PDZD2: variants seen among roughly 807,000 people sequenced by gnomAD.
PDZD2 encodes PDZ domain-containing protein 2.
PDZD2 carries 90 observed loss-of-function variants against 220.7 expected under a neutral mutation model. The ratio of observed to expected loss-of-function variants is 0.41; its 90% CI spans 0.34 to 0.49. The LOEUF is 0.49. Ranked by LOEUF, PDZD2 falls within the 20% of genes least tolerant of loss-of-function variation. The probability of loss-of-function intolerance (pLI) is 0.28; values close to 1 mark genes in which losing one functional copy is unlikely to be tolerated. For synonymous variants in PDZD2, 1,375 were observed against 1,450.5 expected (o/e 0.95, Z 1.18); for missense variants, 3,174 against 3,608.5 (o/e 0.88, Z 3.08).
intron 2 of PDZD2, among the ~76,000 whole-genome samples, chr5:31,901,636 A>C (rs6863471): frequency 0.59 from 89,964 of 151,946 alleles, 28,165 homozygotes; most frequent in Middle Eastern, 0.73. Context: ...TTACACATTT[A>C]ATGCATTTAA....
At chr5:31,906,793 A>G (rs1742696796) in intron 2 of PDZD2, among the ~76,000 whole-genome samples, 2 of 152,180 alleles carry the variant, frequency 1.3e-5, no homozygotes, top group Non-Finnish European at 2.9e-5. Context: ...CAGTGGGCCA[A>G]AAGTGTGCCA....
intron 1 of PDZD2, among the ~76,000 whole-genome samples, chr5:31,768,864 G>T (rs1208533436): frequency 2.6e-5 from 4 of 152,162 alleles, no homozygotes; most frequent in African/African-American, 9.7e-5. Context: ...AGAACCAATA[G>T]CGCTCCAACT....
intron 1 of PDZD2, among the ~76,000 whole-genome samples, chr5:31,759,688 G>A (rs1373463984): frequency 6.6e-6 from 1 of 151,972 alleles, no homozygotes; most frequent in African/African-American, 2.4e-5. Flanking sequence ...TGGGATTACA[G>A]ATGCATGCCA....
At chr5:31,645,229 C>T (rs369349403) in intron 1 of PDZD2, among the ~76,000 whole-genome samples, 17 of 152,056 alleles carry the variant, frequency 1.1e-4, no homozygotes, top group East Asian at 7.7e-4. Flanking sequence ...GAGGAAGGGG[C>T]GTCCATGGCA....
At chr5:31,742,646 T>C (rs190260371) in intron 1 of PDZD2, among the ~76,000 whole-genome samples, 41 of 151,758 alleles carry the variant, frequency 2.7e-4, no homozygotes, top group Non-Finnish European at 4.6e-4. Flanking sequence ...TGCTCTAGCA[T>C]TTGCTGGTTG....
intron 2 of PDZD2, among the ~76,000 whole-genome samples, chr5:31,870,880 C>T (rs1157657413): frequency 1.4e-5 from 2 of 144,754 alleles, no homozygotes; most frequent in East Asian, 2.0e-4. Context: ...CAGATCGAGA[C>T]TCTGTCTCAA....
At chr5:31,743,514 T>C (rs771961743) in intron 1 of PDZD2, among the ~76,000 whole-genome samples, 2 of 152,192 alleles carry the variant, frequency 1.3e-5, no homozygotes, top group Non-Finnish European at 2.9e-5. Flanking sequence ...TGGAAGTCTG[T>C]CATATTTTTA....
intron 2 of PDZD2, among the ~76,000 whole-genome samples, chr5:31,907,711 T>C (rs1742781379): frequency 6.6e-6 from 1 of 152,182 alleles, no homozygotes; most frequent in Non-Finnish European, 1.5e-5. Flanking sequence ...AGTTGGATTT[T>C]ATTCCTTAAT....
chr5:32,053,196 G>T (rs1416438978), intron 9 of PDZD2, among the ~76,000 whole-genome samples: 1 of 152,204 alleles, frequency 6.6e-6, no homozygotes, highest in Non-Finnish European at 1.5e-5. Flanking sequence ...AGGGTGCAAT[G>T]AATGACCCTC....
intron 5 of PDZD2, among the ~76,000 whole-genome samples, chr5:32,007,284 A>G (rs1752905530): frequency 6.6e-6 from 1 of 151,644 alleles, no homozygotes; most frequent in Admixed American, 6.6e-5. Context: ...AAGTGCTGGG[A>G]TTACGGGTAT....
At chr5:31,647,637 C>T (rs1026876097) in intron 1 of PDZD2, among the ~76,000 whole-genome samples, 2 of 152,158 alleles carry the variant, frequency 1.3e-5, no homozygotes, top group African/African-American at 2.4e-5. Flanking sequence ...TTGTGTGTCT[C>T]ATTTATAAGG....
In PDZD2 at chr5:32,090,360, G is replaced by A. The variant is rs777291869; in HGVS notation, c.6912G>A (p.Thr2304=). 2.9e-5 allele frequency: 47 copies of A among 1,613,974 alleles called. No homozygotes were observed. Among genetic ancestry groups the A allele is most frequent in the African/African-American group, 6.7e-5 (5 of 74,920 alleles). The change falls in exon 20 of 25, where the codon ACG becomes ACA. Residue 2304 remains threonine (T), a synonymous_variant. Coordinates refer to ENST00000438447, the MANE Select transcript of PDZD2 (RefSeq NM_178140.4). This position sits in a 1 kb window ranked among gnomAD's most constrained non-coding sequence, Gnocchi z 4.3. ...GGGATATCATTTCAGTCCAGGAGAC[G>A]AGCTGCCTAGTCACAGACAAAATCA... ...DEGDIISVQE[T]SCLVTDKIKV... is the part of the protein sequence containing the mutation.
At chr5:31,929,156 A>G (rs190191475) in intron 2 of PDZD2, among the ~76,000 whole-genome samples, 1 of 152,142 alleles carries the variant, frequency 6.6e-6, no homozygotes, top group African/African-American at 2.4e-5. Flanking sequence ...TTGAATCTGA[A>G]TGCTTTAGAA....
At chr5:31,896,323 C>T (rs1024008872) in intron 2 of PDZD2, among the ~76,000 whole-genome samples, 24 of 136,472 alleles carry the variant, frequency 1.8e-4, no homozygotes, top group African/African-American at 4.9e-4. Context: ...TTGATACTCT[C>T]GTGTGTGTGT....
At chr5:31,995,757 C>T (rs369437653) in intron 4 of PDZD2, 39 bp downstream of exon 4, 195 of 1,580,856 alleles carry the variant, frequency 1.2e-4, no homozygotes, top group Non-Finnish European at 1.6e-4. Context: ...ATCCCTCTGC[C>T]TCCTCTCCTT....
chr5:31,950,259 C>G (rs998182683), intron 2 of PDZD2, among the ~76,000 whole-genome samples: 12 of 152,144 alleles, frequency 7.9e-5, no homozygotes, highest in Non-Finnish European at 1.3e-4. Context: ...CACTAGCATT[C>G]TACGCTGTTA....
chr5:31,666,717 A>G (rs1458855683), intron 1 of PDZD2, among the ~76,000 whole-genome samples: 2 of 152,358 alleles, frequency 1.3e-5, no homozygotes, highest in Non-Finnish European at 2.9e-5. Flanking sequence ...CTGGGCCTGT[A>G]TACCATAAGA....
chr5:31,668,615 A>G (rs1746094441), intron 1 of PDZD2, among the ~76,000 whole-genome samples: 2 of 152,222 alleles, frequency 1.3e-5, no homozygotes, highest in Admixed American at 1.3e-4. Context: ...ATAAACGGAT[A>G]GTAATAACCC....
chr5:31,708,874 GTGTTT>G (rs201437684), intron 1 of PDZD2, among the ~76,000 whole-genome samples: 82 of 118,548 alleles, frequency 6.9e-4, no homozygotes, highest in South Asian at 1.3e-3. Flanking sequence ...CTCAGCAAAT[GTGTTT>G]TGTTTTTTTT....
Sources: allele counts gnomAD v4.1 joint callset (sites outside exome capture counted in the v4.1 genomes callset), GRCh38; gene constraint gnomAD v4.1.1; non-coding constraint Gnocchi (gnomAD v3.1); transcripts MANE v1.5; gene names NCBI Gene and HGNC (gene_info 2026-07-23, HGNC 2026-07-21).